Variants in PLEKHB2 observed in about 807,000 individuals in gnomAD.
PLEKHB2 encodes pleckstrin homology domain containing B2, also known as pleckstrin homology domain-containing family B member 2.
Under a neutral mutation model 36.5 loss-of-function variants are expected in PLEKHB2, and 31 were observed. The observed-to-expected ratio is 0.85, with a 90% confidence interval of 0.64 to 1.15. The LOEUF is 1.15. PLEKHB2 is among the 50% of genes most tolerant of loss of function. PLEKHB2 has a pLI of 0.00. For synonymous variants in PLEKHB2, 119 were observed against 112.0 expected, an observed-to-expected ratio of 1.06 and a Z score of -0.39; for missense variants, 262 against 295.3, an observed-to-expected ratio of 0.89 and a Z score of 0.83.
chr2:131,145,612 G>GA (rs1699205746), intron 7 of PLEKHB2, among the ~76,000 whole-genome samples: 4 of 152,148 alleles, frequency 2.6e-5, no homozygotes, highest in African/African-American at 9.7e-5. Context: ...TGGCATTACA[G>GA]GTGTGAGCCA....
chr2:131,106,030 CT>C (rs1694690282), intron 1 of PLEKHB2, among the ~76,000 whole-genome samples: 1 of 152,218 alleles, frequency 6.6e-6, no homozygotes, highest in African/African-American at 2.4e-5. Flanking sequence ...CTTGCAATGT[CT>C]TTAGTCATAA....
At chr2:131,105,714 G>A (rs1222336863) in intron 1 of PLEKHB2, among the ~76,000 whole-genome samples, 5 of 152,134 alleles carry the variant, frequency 3.3e-5, no homozygotes, top group African/African-American at 1.2e-4. Context: ...GTCCGCCTCC[G>A]GTCCTTTCCC....
chr2:131,111,924 G>A (rs1695377984), intron 1 of PLEKHB2, among the ~76,000 whole-genome samples: 1 of 151,828 alleles, frequency 6.6e-6, no homozygotes, highest in Non-Finnish European at 1.5e-5. Flanking sequence ...TCTGATTGTG[G>A]TACTGTGAAA....
chr2:131,135,535 A>G (rs938720153), intron 6 of PLEKHB2, among the ~76,000 whole-genome samples: 2 of 152,038 alleles, frequency 1.3e-5, no homozygotes, highest in African/African-American at 2.4e-5. Flanking sequence ...TAGACCTTCA[A>G]ATATTATGTA....
In PLEKHB2 at chr2:131,148,336, A is replaced by G. The variant is rs940913954; in HGVS notation, c.*1563A>G. 2 of 152,184 alleles carry G rather than the reference A, an allele frequency of 1.3e-5. No individual in the cohort carries two copies. The highest frequency in any genetic ancestry group is 2.4e-5 in the African/African-American group (1 of 41,452). The allele number at this position is 152,184 out of a possible 1,614,324, so 9.4% of individuals were successfully genotyped here. On this transcript the variant is annotated 3_prime_UTR_variant, in exon 8 of 8. Transcript: ENST00000693505. ...CTTCAAATGCTCTTATTTTCAGTAT[A>G]TGAAGTGTGTATTTGAAATATTCAT...
chr2:131,106,030 C>T (rs1395245941), intron 1 of PLEKHB2, among the ~76,000 whole-genome samples: 2 of 152,218 alleles, frequency 1.3e-5, no homozygotes, highest in Non-Finnish European at 2.9e-5. Flanking sequence ...CTTGCAATGT[C>T]TTTAGTCATA....
intron 2 of PLEKHB2, among the ~76,000 whole-genome samples, 166 bp from the exon 3 acceptor site, chr2:131,125,587 C>T (rs978404632): frequency 6.6e-6 from 1 of 152,062 alleles, no homozygotes; most frequent in South Asian, 2.1e-4. Flanking sequence ...TGCCTGTAGT[C>T]GCAGCTAAAC....
At chr2:131,136,332 ATCCTC>A (rs1346506612) in intron 6 of PLEKHB2, among the ~76,000 whole-genome samples, 5 of 150,566 alleles carry the variant, frequency 3.3e-5, no homozygotes, top group Non-Finnish European at 5.9e-5. Context: ...GGCTGAGGCA[ATCCTC>A]TTGCCTCAGC....
chr2:131,105,870 C>T (rs533602050), intron 1 of PLEKHB2, among the ~76,000 whole-genome samples: 1 of 152,320 alleles, frequency 6.6e-6, no homozygotes. Context: ...TCCCGGCGTC[C>T]GATCTCTACC....
intron 2 of PLEKHB2, 110 bp downstream of exon 2, chr2:131,121,088 C>G: frequency 9.9e-7 from 1 of 1,014,536 alleles, no homozygotes; most frequent in Non-Finnish European, 1.5e-6. Context: ...TTTATGAGTG[C>G]TATGGCCTTG....
chr2:131,110,828 C>T (rs113137823), intron 1 of PLEKHB2, among the ~76,000 whole-genome samples: 3,279 of 152,112 alleles, frequency 0.022, 123 homozygotes, highest in African/African-American at 0.075. Context: ...TCTTCTTTGT[C>T]CTTGATGTTA....
intron 2 of PLEKHB2, among the ~76,000 whole-genome samples, 175 bp from the exon 3 acceptor site, chr2:131,125,577 TG>T (rs1462461660): frequency 6.6e-6 from 1 of 152,188 alleles, no homozygotes; most frequent in Non-Finnish European, 1.5e-5. Context: ...TGGTGGCATG[TG>T]CCTGTAGTCG....
intron 7 of PLEKHB2, among the ~76,000 whole-genome samples, chr2:131,142,423 T>C (rs1698880386): frequency 6.6e-6 from 1 of 152,200 alleles, no homozygotes; most frequent in African/African-American, 2.4e-5. Context: ...AATTGCCTAT[T>C]ATCATATTGG....
intron 1 of PLEKHB2, among the ~76,000 whole-genome samples, chr2:131,113,925 T>C (rs1306516937): frequency 2.0e-5 from 3 of 152,218 alleles, no homozygotes; most frequent in Middle Eastern, 3.4e-3. Flanking sequence ...TAGAATTCTC[T>C]CTTACCCCCA....
At chr2:131,125,036 G>A (rs1329554214) in intron 2 of PLEKHB2, among the ~76,000 whole-genome samples, 4 of 152,032 alleles carry the variant, frequency 2.6e-5, no homozygotes, top group Admixed American at 2.0e-4. Context: ...CATCTGCCTC[G>A]GCCTCCCAAA....
chr2:131,108,654 G>A (rs911070319), intron 1 of PLEKHB2, among the ~76,000 whole-genome samples: 2 of 152,144 alleles, frequency 1.3e-5, no homozygotes, highest in Admixed American at 1.3e-4. Context: ...ATCTCATAAC[G>A]TTTTAAGAAA....
intron 2 of PLEKHB2, among the ~76,000 whole-genome samples, chr2:131,123,209 A>G (rs1696701701): frequency 6.6e-6 from 1 of 152,172 alleles, no homozygotes; most frequent in South Asian, 2.1e-4. Flanking sequence ...CCATCCCCAT[A>G]TGTATGGGTT....
chr2:131,115,675 A>ACCACTG (rs1695801894), intron 1 of PLEKHB2, among the ~76,000 whole-genome samples: 1 of 152,002 alleles, frequency 6.6e-6, no homozygotes, highest in Non-Finnish European at 1.5e-5. Context: ...TTTCTTTAAC[A>ACCACTG]CATTCTACTG....
At chr2:131,145,494 TA>T (rs1482606209) in intron 7 of PLEKHB2, among the ~76,000 whole-genome samples, 2 of 152,118 alleles carry the variant, frequency 1.3e-5, no homozygotes, top group Non-Finnish European at 2.9e-5. Flanking sequence ...TACCCCTGGC[TA>T]ATTTTTTTTT....
Sources: gnomAD v4.1 joint callset for allele counts (sites outside exome capture counted in the v4.1 genomes callset) on GRCh38, gnomAD v4.1.1 for gene constraint, MANE v1.5 for transcripts, NCBI Gene and HGNC (gene_info 2026-07-23, HGNC 2026-07-21) for gene names.